Variants in ILKAP observed in about 807,000 individuals in gnomAD.
ILKAP encodes the protein integrin-linked kinase-associated serine/threonine phosphatase 2C.
In ILKAP, 11 loss-of-function variants were observed where a neutral mutation model predicts 49.1. The ratio of observed to expected loss-of-function variants is 0.22; its 90% CI spans 0.14 to 0.37. ILKAP has a LOEUF of 0.37. Among genes scored for constraint, ILKAP ranks in the 10% least tolerant of loss-of-function variants. ILKAP has a pLI of 1.00. For missense variants in ILKAP, 363 were observed against 510.8 expected (o/e 0.71, Z 2.79); for synonymous variants, 186 against 192.8 (o/e 0.96, Z 0.29).
chr2:238,201,444 C>T (rs1306719086), intron 1 of ILKAP, among the ~76,000 whole-genome samples: 1 of 152,152 alleles, frequency 6.6e-6, no homozygotes, highest in African/African-American at 2.4e-5. Context: ...ATGTCAGTGC[C>T]CTCCTGGCAG....
At chr2:238,198,662 C>T (rs958002772) in intron 1 of ILKAP, among the ~76,000 whole-genome samples, 3 of 152,076 alleles carry the variant, frequency 2.0e-5, no homozygotes, top group African/African-American at 7.2e-5. Context: ...ATATTAGAAC[C>T]CTAATAAGAA....
intron 1 of ILKAP, 41 bp downstream of exon 1, chr2:238,203,458 G>A: frequency 8.4e-7 from 1 of 1,191,190 alleles, no homozygotes; most frequent in Non-Finnish European, 1.1e-6. Context: ...CATCCCGCCT[G>A]CTCTCCCTTC....
chr2:238,179,214 T>C (rs1485605662), intron 9 of ILKAP, among the ~76,000 whole-genome samples: 1 of 152,170 alleles, frequency 6.6e-6, no homozygotes, highest in African/African-American at 2.4e-5. Context: ...GAAAACCCCA[T>C]GACTGTGACT....
intron 10 of ILKAP, among the ~76,000 whole-genome samples, chr2:238,171,730 A>G (rs1693227859): frequency 6.6e-6 from 1 of 152,248 alleles, no homozygotes; most frequent in Non-Finnish European, 1.5e-5. Context: ...AAAGCTGAGA[A>G]TGAGCCCAGC....
At chr2:238,174,175 C>T (rs952498879) in intron 9 of ILKAP, among the ~76,000 whole-genome samples, 1 of 152,172 alleles carries the variant, frequency 6.6e-6, no homozygotes, top group Admixed American at 6.5e-5. Context: ...AGTACAGGTA[C>T]GGTTTAATGT....
intron 3 of ILKAP, among the ~76,000 whole-genome samples, chr2:238,191,057 T>G (rs188295424): frequency 6.6e-6 from 1 of 152,132 alleles, no homozygotes; most frequent in African/African-American, 2.4e-5. Flanking sequence ...TGTGTTCAAG[T>G]GATCCTTCCA....
intron 1 of ILKAP, among the ~76,000 whole-genome samples, chr2:238,199,966 TTCC>T (rs1373038678): frequency 6.6e-6 from 1 of 152,134 alleles, no homozygotes; most frequent in Non-Finnish European, 1.5e-5. Flanking sequence ...AATATTTTAT[TTCC>T]TCCTCAACAA....
intron 4 of ILKAP, 134 bp from the exon 5 acceptor site, chr2:238,188,391 T>G: frequency 9.5e-7 from 1 of 1,057,834 alleles, no homozygotes; most frequent in Admixed American, 2.7e-5. Flanking sequence ...AAATAAGCAA[T>G]ACCCCTTAAG....
chr2:238,201,684 C>T (rs1694575391), intron 1 of ILKAP, among the ~76,000 whole-genome samples: 4 of 152,186 alleles, frequency 2.6e-5, no homozygotes, highest in African/African-American at 7.2e-5. Context: ...CTGAGCAGAA[C>T]CTAATTAATT....
At chr2:238,202,915 T>C (rs1259899379) in intron 1 of ILKAP, among the ~76,000 whole-genome samples, 1 of 151,646 alleles carries the variant, frequency 6.6e-6, no homozygotes, top group Non-Finnish European at 1.5e-5. Flanking sequence ...TACTGTTAAT[T>C]ATCACAAAAT....
intron 1 of ILKAP, among the ~76,000 whole-genome samples, chr2:238,195,840 C>T (rs1164651838): frequency 1.3e-5 from 2 of 151,848 alleles, no homozygotes; most frequent in African/African-American, 4.8e-5. Context: ...TCCCGGAGTT[C>T]GAGACCAGCC....
intron 9 of ILKAP, among the ~76,000 whole-genome samples, chr2:238,175,353 C>G (rs1354289078): frequency 1.3e-5 from 2 of 152,092 alleles, no homozygotes; most frequent in Admixed American, 1.3e-4. Context: ...CTCAGCCTCC[C>G]AAAGTGCTGA....
chr2:238,174,121 A>C (rs962590095), intron 9 of ILKAP, among the ~76,000 whole-genome samples: 1 of 152,246 alleles, frequency 6.6e-6, no homozygotes, highest in African/African-American at 2.4e-5. Flanking sequence ...AAAATCCCTG[A>C]AAGTGGCTAT....
At chr2:238,194,226 A>C in intron 3 of ILKAP, 49 bp downstream of exon 3, 1 of 1,511,312 alleles carries the variant, frequency 6.6e-7, no homozygotes, top group Non-Finnish European at 9.2e-7. Context: ...TAAGAGTAAA[A>C]TACTATGTAT....
chr2:238,179,193 A>G (rs1693588683), intron 9 of ILKAP, among the ~76,000 whole-genome samples: 1 of 152,220 alleles, frequency 6.6e-6, no homozygotes, highest in African/African-American at 2.4e-5. Flanking sequence ...TCTGAAATCA[A>G]GTGAGCAGCA....
chr2:238,193,282 G>A (rs185087401), intron 3 of ILKAP, among the ~76,000 whole-genome samples: 4 of 152,126 alleles, frequency 2.6e-5, no homozygotes, highest in African/African-American at 4.8e-5. Flanking sequence ...GTGCAATGGC[G>A]TGATCTCAGC....
chr2:238,195,184 A>T (rs1694293080), intron 1 of ILKAP, among the ~76,000 whole-genome samples: 1 of 152,170 alleles, frequency 6.6e-6, no homozygotes, highest in African/African-American at 2.4e-5. Flanking sequence ...GAAACATTTA[A>T]AAGTCTTTCT....
intron 10 of ILKAP, among the ~76,000 whole-genome samples, chr2:238,172,404 C>T (rs890142488): frequency 2.0e-5 from 3 of 152,230 alleles, no homozygotes; most frequent in Non-Finnish European, 2.9e-5. Flanking sequence ...CCGAGCCTAT[C>T]GTCCATGCTG....
chr2:238,200,575 T>C (rs1231634473), intron 1 of ILKAP, among the ~76,000 whole-genome samples: 1 of 152,158 alleles, frequency 6.6e-6, no homozygotes, highest in Non-Finnish European at 1.5e-5. Flanking sequence ...ATCCCAGCAC[T>C]CTGGGAGGGC....
Sources: gnomAD v4.1 joint callset for allele counts (sites outside exome capture counted in the v4.1 genomes callset) on GRCh38, gnomAD v4.1.1 for gene constraint, MANE v1.5 for transcripts, NCBI Gene and HGNC (gene_info 2026-07-23, HGNC 2026-07-21) for gene names.